The following UTP6 variants were observed in gnomAD, a reference collection of about 807,000 sequenced individuals.
UTP6 encodes the protein UTP6 small subunit processome component, also known as U3 small nucleolar RNA-associated protein 6 homolog.
In UTP6, 60 loss-of-function variants were observed where a neutral mutation model predicts 96.5. The observed-to-expected ratio is 0.62, with a 90% CI of 0.51 to 0.77. The LOEUF is 0.77. Among genes scored for constraint, UTP6 ranks in the 30% least tolerant of loss-of-function variants. UTP6 has a pLI of 0.00. For missense variants in UTP6, 637 were observed against 706.5 expected, an observed-to-expected ratio of 0.90 and a Z score of 1.12; for synonymous variants, 215 against 240.1, an observed-to-expected ratio of 0.90 and a Z score of 0.96.
intron 16 of UTP6, among the ~76,000 whole-genome samples, chr17:31,869,490 T>A (rs866784507): frequency 6.6e-6 from 1 of 151,922 alleles, no homozygotes; most frequent in Non-Finnish European, 1.5e-5. Context: ...CTTTATTTTT[T>A]TTTTTATTTT....
Position 31,861,832 on chromosome 17 carries a change from AAAG to A in UTP6, c.*1524_*1526del. On this transcript the variant is annotated 3_prime_UTR_variant, in exon 19 of 19. Coordinates refer to ENST00000261708, the MANE Select transcript of UTP6 (RefSeq NM_018428.3). ...TACTGACACTTTCATGTATTGCTTG[AAAG>A]AAGGAGCAAACCAGCAATACATATC... is the stretch of plus-strand genomic sequence containing the variant. 6.6e-6 allele frequency: 1 copy of A among 152,324 alleles called. No individual in the cohort carries two copies. Among genetic ancestry groups the A allele is most frequent in the East Asian group, 1.9e-4 (1 of 5,190 alleles). 9.4% of individuals were successfully genotyped at this position (152,324 alleles called of 1,614,324 possible). A position where few individuals can be genotyped will look rare whatever the true frequency, so the allele number is the denominator to read the frequency against.
At chr17:31,868,147 T>C (rs1376319756) in intron 16 of UTP6, 35 bp from the exon 17 acceptor site, 3 of 1,592,270 alleles carry the variant, frequency 1.9e-6, no homozygotes, top group East Asian at 2.3e-5. Context: ...TCTTCAACAA[T>C]GACAAAAAGC....
In UTP6 at chr17:31,862,054, G is replaced by C. The variant is rs1909578313; in HGVS notation, c.*1305C>G. Reference sequence around the variant, plus strand: ...TTCACGCCTGTAATCCCAACACTTTGGGAGGCCAAGGCGGGTGGATCATGA... The same window carrying C: ...TTCACGCCTGTAATCCCAACACTTTCGGAGGCCAAGGCGGGTGGATCATGA... On this transcript the variant is annotated 3_prime_UTR_variant, in exon 19 of 19. Coordinates refer to ENST00000261708, the MANE Select transcript of UTP6 (RefSeq NM_018428.3). 6.6e-6 allele frequency: 1 copy of C among 152,234 alleles called. No individual in the cohort carries two copies. Among genetic ancestry groups the C allele is most frequent in the African/African-American group, 2.4e-5 (1 of 41,444 alleles). 9.4% of individuals were successfully genotyped at this position (152,234 alleles called of 1,614,324 possible). A position where few individuals can be genotyped will look rare whatever the true frequency, so the allele number is the denominator to read the frequency against.
intron 13 of UTP6, among the ~76,000 whole-genome samples, chr17:31,876,039 T>C (rs1910484153): frequency 6.6e-6 from 1 of 151,690 alleles, no homozygotes; most frequent in Non-Finnish European, 1.5e-5. Flanking sequence ...TGTTTTTCTT[T>C]TTCTTTTTTT....
At chr17:31,864,976 G>A (rs1223147223) in intron 18 of UTP6, among the ~76,000 whole-genome samples, 2 of 151,954 alleles carry the variant, frequency 1.3e-5, no homozygotes, top group African/African-American at 4.8e-5. Flanking sequence ...TTTTAAAAGA[G>A]GGTTATGATG....
Position 31,862,311 on chromosome 17 carries a change from T to A in UTP6, c.*1048A>T, listed in dbSNP as rs1228411438. 2.0e-4 allele frequency: 31 copies of A among 151,748 alleles called. No homozygotes were observed. Among genetic ancestry groups the A allele is most frequent in the African/African-American group, 7.5e-4 (31 of 41,330 alleles). 9.4% of individuals were successfully genotyped at this position (151,748 alleles called of 1,614,324 possible). ...CTCCATCTCAAAAAAAAAAAGACAG[T>A]CTAACCAGAGGATTAGTAAAATATA... On this transcript the variant is annotated 3_prime_UTR_variant, in exon 19 of 19. Coordinates refer to ENST00000261708, the MANE Select transcript of UTP6 (RefSeq NM_018428.3).
rs753878380 is a variant in UTP6 at position 31,892,342 on chromosome 17, T to C, written c.361-19A>G. Reference sequence around the variant, plus strand: ...TAGTAGCCTGTAAAAAAGGAAAATATTTCTACTTCCTGCACAGATAAATCA... The same window carrying C: ...TAGTAGCCTGTAAAAAAGGAAAATACTTCTACTTCCTGCACAGATAAATCA... On this transcript the variant is annotated intron_variant, in intron 5 of 18. Transcript: ENST00000261708. 6 of 1,608,822 alleles carry C rather than the reference T, an allele frequency of 3.7e-6. No individual in the cohort carries two copies. The highest frequency in any genetic ancestry group is 3.3e-5 in the Admixed American group (2 of 59,942).
chr17:31,865,293 A>ATG, intron 18 of UTP6, 73 bp downstream of exon 18: 3 of 1,503,356 alleles, frequency 2.0e-6, no homozygotes, highest in Non-Finnish European at 2.8e-6. Context: ...GATTACAGGC[A>ATG]TGAGCCACTG....
At chr17:31,875,602 A>C (rs928175124) in intron 13 of UTP6, among the ~76,000 whole-genome samples, 189 bp from the exon 14 acceptor site, 10 of 152,150 alleles carry the variant, frequency 6.6e-5, no homozygotes, top group Admixed American at 6.6e-5. Context: ...AGGCGGGCAC[A>C]TCACGAGCTC....
At chr17:31,879,602 G>A (rs368762742) in intron 11 of UTP6, among the ~76,000 whole-genome samples, 3 of 151,956 alleles carry the variant, frequency 2.0e-5, no homozygotes, top group South Asian at 4.2e-4. Flanking sequence ...AACCCAGGAG[G>A]CAGAGGTTGG....
At position 31,894,751 on chromosome 17, in the gene UTP6, T is replaced by C. The variant is rs754824818; in HGVS notation, c.220-14A>G. 1.6e-5 allele frequency: 26 copies of C among 1,595,580 alleles called. No individual in the cohort carries two copies. Among genetic ancestry groups the C allele is most frequent in the Non-Finnish European group, 2.2e-5 (26 of 1,167,254 alleles). On this transcript the variant is annotated splice_polypyrimidine_tract_variant and intron_variant, in intron 3 of 18. Coordinates refer to ENST00000261708, the MANE Select transcript of UTP6 (RefSeq NM_018428.3). ...ATATCCAATGCGCTAAAGGGGGACA[T>C]AAAAAAACAGAGCCTCAACTTAATC...
chr17:31,888,528 G>T (rs1911282902), intron 7 of UTP6, among the ~76,000 whole-genome samples: 1 of 152,034 alleles, frequency 6.6e-6, no homozygotes. Context: ...GCCCAACAGG[G>T]CGAAACTCCA....
At chr17:31,890,323 T>C (rs1351484705) in intron 6 of UTP6, among the ~76,000 whole-genome samples, 3 of 150,638 alleles carry the variant, frequency 2.0e-5, no homozygotes, top group African/African-American at 7.3e-5. Context: ...GGTAGTAAAA[T>C]GCCAGAAAAA....
chr17:31,892,073 C>G, intron 6 of UTP6, 187 bp downstream of exon 6: 1 of 605,326 alleles, frequency 1.7e-6, no homozygotes, highest in Non-Finnish European at 2.9e-6. Context: ...ACACCTAGGA[C>G]AGTAACTAGT....
chr17:31,898,120 G>A (rs1904762997), intron 2 of UTP6, among the ~76,000 whole-genome samples: 1 of 152,158 alleles, frequency 6.6e-6, no homozygotes, highest in South Asian at 2.1e-4. Flanking sequence ...GAAAGAGGAG[G>A]GGAAAAGTAA....
At chr17:31,872,597 GC>G (rs768522962) in intron 16 of UTP6, among the ~76,000 whole-genome samples, 44 of 152,198 alleles carry the variant, frequency 2.9e-4, no homozygotes, top group Non-Finnish European at 3.4e-4. Context: ...GACTGCTTGA[GC>G]CCAGAAGGTC....
At chr17:31,896,955 T>C (rs944678552) in intron 2 of UTP6, among the ~76,000 whole-genome samples, 8 of 152,114 alleles carry the variant, frequency 5.3e-5, no homozygotes, top group Non-Finnish European at 7.4e-5. Context: ...CAGTCTTTTC[T>C]CTCATGGTTT....
rs1176320299 is a variant in UTP6, at chr17:31,875,242, T to G, written c.1297A>C (p.Lys433Gln). The G allele has an allele frequency of 1.2e-6, 2 of 1,613,904 alleles. No homozygotes were observed. The highest frequency in any genetic ancestry group is 1.7e-6 in the Non-Finnish European group (2 of 1,179,998). Residue 433 changes from lysine (K) to glutamine (Q), a missense_variant, in exon 14 of 19, where the codon AAA becomes CAA. Physicochemically the swap from Lys to Gln is moderately conservative, Grantham distance 53. Coordinates refer to ENST00000261708, the MANE Select transcript of UTP6 (RefSeq NM_018428.3). ...AGATCCAGCTCACTGACCTGGGGTTTCAGGTGCACAAAGGCTTCTTCAAAA... is the reference window on the plus strand; with the variant it reads ...AGATCCAGCTCACTGACCTGGGGTTGCAGGTGCACAAAGGCTTCTTCAAAA... ...MLFEEAFVHL[K>Q]PQVCLPLWIS...
intron 4 of UTP6, among the ~76,000 whole-genome samples, chr17:31,894,195 G>C (rs962528738): frequency 6.6e-6 from 1 of 150,888 alleles, no homozygotes; most frequent in Non-Finnish European, 1.5e-5. Flanking sequence ...TTTGAGCCTG[G>C]GAGGCAGAGG....
Sources: allele counts gnomAD v4.1 joint callset (sites outside exome capture counted in the v4.1 genomes callset), GRCh38; gene constraint gnomAD v4.1.1; transcripts MANE v1.5; gene names NCBI Gene and HGNC (gene_info 2026-07-23, HGNC 2026-07-21).